Variants in CDH23 observed in about 807,000 individuals in gnomAD.
CDH23 encodes the protein cadherin related 23.
In CDH23, 189 loss-of-function variants were observed where a neutral mutation model predicts 317.1. That is an observed-to-expected ratio of 0.60 (90% CI 0.53 to 0.67). CDH23 has a LOEUF of 0.67. CDH23 is among the 30% of genes least tolerant of loss of function. The pLI, the probability that CDH23 is intolerant of heterozygous loss-of-function variation, is 0.00. For synonymous variants in CDH23, 1,839 were observed against 1,876.8 expected (o/e 0.98, Z 0.52); for missense variants, 4,401 against 4,592.4 (o/e 0.96, Z 1.20).
intron 9 of CDH23, among the ~76,000 whole-genome samples, chr10:71,583,125 C>G (rs779268478): frequency 1.3e-5 from 2 of 151,624 alleles, no homozygotes; most frequent in African/African-American, 2.4e-5. Flanking sequence ...AGGAATTTGC[C>G]GGAAAGAGGG....
At chr10:71,457,672 G>A (rs528806769) in intron 3 of CDH23, among the ~76,000 whole-genome samples, 1 of 152,342 alleles carries the variant, frequency 6.6e-6, no homozygotes, top group African/African-American at 2.4e-5. Context: ...TGAGTCCCAG[G>A]CCTGGCATTG....
At position 71,793,594 on chromosome 10, in the gene CDH23, C is replaced by A. The variant is rs754356153; in HGVS notation, c.6666C>A (p.Arg2222=). The A allele has an allele frequency of 1.2e-6, 2 of 1,608,050 alleles. No homozygotes were observed. Among genetic ancestry groups the A allele is most frequent in the African/African-American group, 2.7e-5 (2 of 74,822 alleles). Residue 2222 remains arginine, a synonymous_variant, in exon 48 of 70, where the codon CGC becomes CGA. Transcript: ENST00000224721. ...VGIVAKDDTD[R]LVPNQEDAFA... The stretch of plus-strand genomic sequence containing the variant: ...TTGTGGCCAAGGACGACACTGATCG[C>A]CTGGTGCCCAACCAGGAGGACGCCT...
rs755731810 is a variant in CDH23 at position 71,812,838 on chromosome 10, A to T, written c.9581A>T (p.Glu3194Val). The T allele has an allele frequency of 6.2e-7, 1 of 1,613,754 alleles. No homozygotes were observed. Among genetic ancestry groups the T allele is most frequent in the Non-Finnish European group, 8.5e-7 (1 of 1,179,762 alleles). The change falls in exon 68 of 70, where the codon GAG (glutamate) becomes GTG (valine). Residue 3194 changes from glutamate to valine, a missense_variant. By Grantham distance (121) the Glu-to-Val change is moderately radical (BLOSUM62 -2). Transcript: ENST00000224721. ...DDRYLRAAIQEYDNIAKLGQI... is the reference protein window; with the variant it reads ...DDRYLRAAIQVYDNIAKLGQI... The stretch of plus-strand genomic sequence containing the variant: ...CGATACCTGCGGGCTGCCATCCAGG[A>T]GTATGACAACATTGCCAAGCTGGGC...
chr10:71,455,699 C>A (rs1850662315), intron 3 of CDH23, among the ~76,000 whole-genome samples: 1 of 152,202 alleles, frequency 6.6e-6, no homozygotes, highest in African/African-American at 2.4e-5. Flanking sequence ...GAAGAAGAAC[C>A]ATCTTTGGTA....
intron 9 of CDH23, among the ~76,000 whole-genome samples, chr10:71,613,219 TC>T (rs1236256617): frequency 6.6e-6 from 1 of 152,220 alleles, no homozygotes; most frequent in Non-Finnish European, 1.5e-5. Flanking sequence ...ACATCTCGTT[TC>T]TCTAGCAGCA....
chr10:71,689,884 C>T (rs1019712755), intron 19 of CDH23, among the ~76,000 whole-genome samples: 2 of 152,076 alleles, frequency 1.3e-5, no homozygotes, highest in East Asian at 3.9e-4. Context: ...GGGGCTGGAG[C>T]CAGAAGCCTT....
At chr10:71,570,432 T>G (rs767001777) in intron 7 of CDH23, among the ~76,000 whole-genome samples, 17 of 152,186 alleles carry the variant, frequency 1.1e-4, no homozygotes, top group Non-Finnish European at 2.2e-4. Context: ...TACTCCAAGC[T>G]GGTCATCCCA....
chr10:71,739,740 G>A lies in CDH23; in HGVS notation c.4456G>A (p.Asp1486Asn). ...CGAAGTGTTTGTGGCCAGGCCCCTG[G>A]ACAGAGAAGAGCTGGATCACTACAT... ...IGEVFVARPL[D>N]REELDHYILQ... The change falls in exon 36 of 70, where the codon GAC (aspartate) becomes AAC (asparagine). Residue 1486 changes from aspartate to asparagine, a missense_variant. Coordinates refer to ENST00000224721, the MANE Select transcript of CDH23 (RefSeq NM_022124.6). The A allele has an allele frequency of 6.2e-7, 1 of 1,613,054 alleles. No individual in the cohort carries two copies. The highest frequency in any genetic ancestry group is 8.5e-7 in the Non-Finnish European group (1 of 1,179,646).
intron 45 of CDH23, among the ~76,000 whole-genome samples, chr10:71,789,274 C>A (rs1013386420): frequency 6.6e-6 from 1 of 152,150 alleles, no homozygotes; most frequent in Non-Finnish European, 1.5e-5. Context: ...GTCATTGTTC[C>A]CCAGGGTGGT....
At chr10:71,510,641 G>A (rs571017392) in intron 4 of CDH23, among the ~76,000 whole-genome samples, 1 of 152,238 alleles carries the variant, frequency 6.6e-6, no homozygotes, top group African/African-American at 2.4e-5. Context: ...CTCTCCTTGA[G>A]TTTGAGGAAG....
intron 6 of CDH23, among the ~76,000 whole-genome samples, chr10:71,561,833 G>T (rs1489524783): frequency 1.3e-5 from 2 of 152,090 alleles, no homozygotes; most frequent in African/African-American, 4.8e-5. Flanking sequence ...GGAGTAGGTG[G>T]GACTGGGCAG....
intron 24 of CDH23, among the ~76,000 whole-genome samples, chr10:71,703,505 G>A (rs1174186332): frequency 1.3e-5 from 2 of 152,242 alleles, no homozygotes; most frequent in African/African-American, 4.8e-5. Flanking sequence ...ACACACGTAT[G>A]AAGCACCCTG....
intron 6 of CDH23, among the ~76,000 whole-genome samples, chr10:71,561,513 C>T (rs1438097766): frequency 6.6e-6 from 1 of 152,208 alleles, no homozygotes; most frequent in South Asian, 2.1e-4. Flanking sequence ...TTATTATTAA[C>T]AAACAAGATC....
At position 71,791,257 on chromosome 10, in the gene CDH23, A is replaced by G. The variant is rs1186671222; in HGVS notation, c.6175A>G (p.Ile2059Val). The stretch of plus-strand genomic sequence containing the variant: ...CAGCACGGCCCACCTGCTCATCACC[A>G]TCCTGGATGACAATGACAACCGGCC... ...LNSTAHLLIT[I>V]LDDNDNRPTF... The change falls in exon 47 of 70, where the codon ATC becomes GTC. Residue 2059 changes from isoleucine (I) to valine (V), a missense_variant. Coordinates refer to ENST00000224721, the MANE Select transcript of CDH23 (RefSeq NM_022124.6). 3.1e-6 allele frequency: 5 copies of G among 1,613,924 alleles called. No individual in the cohort carries two copies. The highest frequency in any genetic ancestry group is 4.2e-6 in the Non-Finnish European group (5 of 1,179,868).
chr10:71,722,033 G>A (rs1476446963), intron 28 of CDH23, among the ~76,000 whole-genome samples: 2 of 152,168 alleles, frequency 1.3e-5, no homozygotes, highest in Non-Finnish European at 2.9e-5. Flanking sequence ...CTGCTTTCTT[G>A]ATCTTTGCTA....
intron 3 of CDH23, among the ~76,000 whole-genome samples, chr10:71,504,149 C>A (rs1456307285): frequency 6.6e-6 from 1 of 152,126 alleles, no homozygotes; most frequent in African/African-American, 2.4e-5. Context: ...GCCTAACCGA[C>A]CTCCAGAACT....
chr10:71,500,803 T>TCTTTTC (rs1554831256), intron 3 of CDH23, among the ~76,000 whole-genome samples: 4 of 145,716 alleles, frequency 2.7e-5, no homozygotes, highest in African/African-American at 1.1e-4. Context: ...TCTTTTCTTT[T>TCTTTTC]CTTTTCTTTT....
intron 37 of CDH23, among the ~76,000 whole-genome samples, chr10:71,741,286 G>T (rs1358724434): frequency 6.6e-6 from 1 of 152,184 alleles, no homozygotes. Flanking sequence ...CCCTGGCATT[G>T]CTGGGTATCA....
At chr10:71,646,643 C>T (rs779662523) in intron 14 of CDH23, 26 bp downstream of exon 14, 1 of 1,614,008 alleles carries the variant, frequency 6.2e-7, no homozygotes, top group Non-Finnish European at 8.5e-7. Flanking sequence ...ACTGCAGGGC[C>T]ACTGAGCTCT....
Sources: allele counts gnomAD v4.1 joint callset (sites outside exome capture counted in the v4.1 genomes callset), GRCh38; gene constraint gnomAD v4.1.1; transcripts MANE v1.5; gene names NCBI Gene and HGNC (gene_info 2026-07-23, HGNC 2026-07-21).